The following RP2 variants were observed in gnomAD, a reference collection of about 807,000 sequenced individuals.
The protein encoded by RP2 is protein XRP2.
Under a neutral mutation model 20.3 loss-of-function variants are expected in RP2, and 3 were observed. The observed-to-expected ratio is 0.15, with a 90% CI of 0.07 to 0.38. The LOEUF (loss-of-function observed/expected upper bound fraction) is 0.38. Among genes scored for constraint, RP2 ranks in the 10% least tolerant of loss-of-function variants. The pLI is 1.00. For synonymous variants in RP2, 75 were observed against 94.8 expected, an observed-to-expected ratio of 0.79 and a Z score of 1.22; for missense variants, 233 against 268.5, an observed-to-expected ratio of 0.87 and a Z score of 0.92.
At chrX:46,863,849 T>C (rs1464107613) in intron 3 of RP2, among the ~76,000 whole-genome samples, 1 of 111,836 alleles carries the variant, frequency 8.9e-6, no homozygotes, top group African/African-American at 3.2e-5. Context: ...GTATCTTAAA[T>C]AGTTTGCACC....
chrX:46,847,409 G>A (rs1248872227), intron 1 of RP2, among the ~76,000 whole-genome samples: 1 of 109,610 alleles, frequency 9.1e-6, no homozygotes, highest in Middle Eastern at 4.2e-3. Flanking sequence ...TTTGTGGATT[G>A]TGTTTTTGGT....
Position 46,847,787 on chromosome X carries a change from C to CATATGTGTGTATATACACACAT in RP2, c.103-5687_103-5686insATGTGTGTATATACACACATAT. 2.8e-3 allele frequency among the ~76,000 whole-genome samples: 228 copies of CATATGTGTGTATATACACACAT among 82,580 alleles called. 3 individuals carry two copies. The highest frequency in any genetic ancestry group is 4.5e-3 in the Non-Finnish European group (202 of 44,589). 71.7% of individuals were successfully genotyped at this position (82,580 alleles called of 115,157 possible). A position where few individuals can be genotyped will look rare whatever the true frequency, so the allele number is the denominator to read the frequency against. Reference sequence around the variant, plus strand: ...ACACATGTGTGTGTGTACATACACACATGTGTGTGTGTATATATATACACA... The same window carrying CATATGTGTGTATATACACACAT: ...ACACATGTGTGTGTGTACATACACACATATGTGTGTATATACACACATATGTGTGTGTGTATATATATACACA... On this transcript the variant is annotated intron_variant, in intron 1 of 4. Coordinates refer to ENST00000218340, the MANE Select transcript of RP2 (RefSeq NM_006915.3).
intron 2 of RP2, among the ~76,000 whole-genome samples, chrX:46,855,797 A>ATT (rs36117019): frequency 1.6e-3 from 167 of 104,478 alleles, no homozygotes; most frequent in African/African-American, 4.5e-3. Flanking sequence ...TTTTGAATGG[A>ATT]TTTTTTTTTT....
intron 1 of RP2, among the ~76,000 whole-genome samples, chrX:46,851,848 C>T (rs1556318191): frequency 9.0e-6 from 1 of 111,177 alleles, no homozygotes; most frequent in African/African-American, 3.3e-5. Flanking sequence ...GGGCAGATCA[C>T]GAGGTCAGGA....
intron 1 of RP2, 57 bp from the exon 2 acceptor site, chrX:46,853,419 G>T (rs1556318506): frequency 9.2e-7 from 1 of 1,090,216 alleles, no homozygotes; most frequent in Admixed American, 2.4e-5. Flanking sequence ...TAGTCCTTTA[G>T]TTGATACTTG....
intron 2 of RP2, among the ~76,000 whole-genome samples, chrX:46,857,072 ATATT>A (rs1175565062): frequency 6.3e-5 from 7 of 111,759 alleles, no homozygotes; most frequent in Non-Finnish European, 9.4e-5. Flanking sequence ...TGCTAACTCT[ATATT>A]TGTTAAACCC....
At chrX:46,872,744 G>GTGTT (rs1254599981) in intron 3 of RP2, among the ~76,000 whole-genome samples, 1 of 111,273 alleles carries the variant, frequency 9.0e-6, no homozygotes, top group Admixed American at 9.7e-5. Context: ...GTTTGTTTGT[G>GTGTT]TGTTTGTTTT....
chrX:46,860,775 T>C (rs1556319991), intron 3 of RP2, among the ~76,000 whole-genome samples: 1 of 111,942 alleles, frequency 8.9e-6, no homozygotes, highest in African/African-American at 3.2e-5. Context: ...AGGCTTTCCT[T>C]GACTGGCCTG....
At chrX:46,864,853 T>G (rs1207888367) in intron 3 of RP2, among the ~76,000 whole-genome samples, 1 of 112,250 alleles carries the variant, frequency 8.9e-6, no homozygotes, top group Non-Finnish European at 1.9e-5. Flanking sequence ...CATTCAATTA[T>G]TCAACAAACA....
chrX:46,842,982 T>C (rs890769485), intron 1 of RP2, among the ~76,000 whole-genome samples: 4 of 109,875 alleles, frequency 3.6e-5, no homozygotes, highest in African/African-American at 1.3e-4. Flanking sequence ...AATTGCTGGG[T>C]CATATGGTAA....
intron 1 of RP2, among the ~76,000 whole-genome samples, chrX:46,850,505 A>C (rs1243843061): frequency 8.9e-6 from 1 of 111,987 alleles, no homozygotes; most frequent in Non-Finnish European, 1.9e-5. Flanking sequence ...GCTTTATATA[A>C]TACGGTTTCT....
chrX:46,866,164 C>T (rs1925169413), intron 3 of RP2, among the ~76,000 whole-genome samples: 1 of 111,083 alleles, frequency 9.0e-6, no homozygotes, highest in South Asian at 3.8e-4. Flanking sequence ...TGTATTTTTC[C>T]TTGCTCCAGA....
At chrX:46,847,759 T>G (rs9779448) in intron 1 of RP2, among the ~76,000 whole-genome samples, 1 of 82,141 alleles carries the variant, frequency 1.2e-5, no homozygotes, top group Non-Finnish European at 2.2e-5. Flanking sequence ...TGTGTGTATA[T>G]ACACACATGT....
intron 1 of RP2, among the ~76,000 whole-genome samples, chrX:46,844,942 A>AT (rs1569531196): frequency 8.9e-6 from 1 of 111,813 alleles, no homozygotes; most frequent in Non-Finnish European, 1.9e-5. Flanking sequence ...GATGATGAAT[A>AT]TTTTTTCATG....
At chrX:46,867,724 AGCCCCC>A in intron 3 of RP2, among the ~76,000 whole-genome samples, 1 of 104,922 alleles carries the variant, frequency 9.5e-6, no homozygotes, top group Non-Finnish European at 1.9e-5. Context: ...CACTTTTTTT[AGCCCCC>A]ACATATGAGT....
intron 3 of RP2, among the ~76,000 whole-genome samples, chrX:46,872,835 TC>T (rs1396526920): frequency 1.8e-5 from 2 of 111,162 alleles, no homozygotes; most frequent in Non-Finnish European, 3.8e-5. Flanking sequence ...CCTCCAGAGC[TC>T]AGGTGATTCT....
chrX:46,851,506 C>T (rs1489607786), intron 1 of RP2, among the ~76,000 whole-genome samples: 1 of 109,953 alleles, frequency 9.1e-6, no homozygotes, highest in East Asian at 2.9e-4. Flanking sequence ...CATGGTTGCA[C>T]ACGCCTGTAA....
intron 1 of RP2, among the ~76,000 whole-genome samples, chrX:46,839,758 A>G (rs1321930466): frequency 9.0e-6 from 1 of 110,985 alleles, no homozygotes; most frequent in Non-Finnish European, 1.9e-5. Context: ...GATATGATGC[A>G]TGCATATTAA....
rs782543297 is a variant in RP2, at chrX:46,879,666, T to A, written c.970-20T>A. 5.5e-4 allele frequency: 603 copies of A among 1,104,870 alleles called. No individual in the cohort carries two copies. Among genetic ancestry groups the A allele is most frequent in the Non-Finnish European group, 6.4e-4 (513 of 804,853 alleles). The allele number at this position is 1,104,870 out of a possible 1,213,427, so 91.1% of individuals were successfully genotyped here. On this transcript the variant is annotated intron_variant, in intron 4 of 4. Transcript: ENST00000218340. ...AGTACTTGGTACTGATTTTTTTTTTTAATTTTCTATTTAAAATAGATGTTT... is the reference window on the plus strand; with the variant it reads ...AGTACTTGGTACTGATTTTTTTTTTAAATTTTCTATTTAAAATAGATGTTT...
Sources: allele counts gnomAD v4.1 joint callset (sites outside exome capture counted in the v4.1 genomes callset), GRCh38; gene constraint gnomAD v4.1.1; transcripts MANE v1.5; gene names NCBI Gene and HGNC (gene_info 2026-07-23, HGNC 2026-07-21).